Variants in CORO1C observed in about 807,000 individuals in gnomAD.
The protein encoded by CORO1C is coronin 1C.
Under a neutral mutation model 51.2 loss-of-function variants are expected in CORO1C, and 14 were observed. That is an observed-to-expected ratio of 0.27 (90% CI 0.18 to 0.43). The LOEUF (loss-of-function observed/expected upper bound fraction) is 0.43. Among genes scored for constraint, CORO1C ranks in the 20% least tolerant of loss-of-function variants. CORO1C has a pLI of 1.00. For missense variants in CORO1C, 417 were observed against 607.8 expected, an observed-to-expected ratio of 0.69 and a Z score of 3.30; for synonymous variants, 181 against 210.5, an observed-to-expected ratio of 0.86 and a Z score of 1.21.
intron 3 of CORO1C, among the ~76,000 whole-genome samples, chr12:108,666,397 G>A (rs1045734664): frequency 1.3e-5 from 2 of 152,184 alleles, no homozygotes; most frequent in African/African-American, 4.8e-5. Context: ...AGAGGGGGTG[G>A]TGTTCTCTAC....
At chr12:108,712,611 A>G (rs114563669) in intron 1 of CORO1C, among the ~76,000 whole-genome samples, 1,521 of 151,458 alleles carry the variant, frequency 0.01, 23 homozygotes, top group African/African-American at 0.034. Flanking sequence ...GAAATGTAAT[A>G]ATATATAAGC....
chr12:108,678,246 G>C, intron 3 of CORO1C, 26 bp downstream of exon 3: 1 of 1,600,716 alleles, frequency 6.2e-7, no homozygotes, highest in Non-Finnish European at 8.5e-7. Context: ...ACTGGCCTGT[G>C]TGCACACAAC....
chr12:108,701,017 T>A, intron 2 of CORO1C, 107 bp downstream of exon 2: 5 of 1,229,222 alleles, frequency 4.1e-6, no homozygotes. Flanking sequence ...TACATCAGAG[T>A]CTAATGGTTT....
intron 3 of CORO1C, among the ~76,000 whole-genome samples, chr12:108,665,433 T>C (rs1470961047): frequency 1.3e-5 from 2 of 152,206 alleles, no homozygotes; most frequent in South Asian, 2.1e-4. Flanking sequence ...ATAAATTGTA[T>C]TGTAACCCAT....
In CORO1C at chr12:108,653,829, G is replaced by A. The variant is rs1196665783; in HGVS notation, c.855+477C>T. ...GCCCTCAAAAGTTTGCATCCACAAA[G>A]CACCATTCTCCTTCCAAGTCCATGG... is the stretch of plus-strand genomic sequence containing the variant. On this transcript the variant is annotated intron_variant, in intron 7 of 10. Transcript: ENST00000261401. 2.0e-5 allele frequency among the ~76,000 whole-genome samples: 3 copies of A among 152,122 alleles called. No individual in the cohort carries two copies. In the East Asian group the frequency reaches 5.8e-4, roughly 29 times the overall value.
intron 2 of CORO1C, among the ~76,000 whole-genome samples, chr12:108,688,956 G>C (rs1396266717): frequency 3.3e-5 from 5 of 152,024 alleles, no homozygotes; most frequent in African/African-American, 1.2e-4. Context: ...GCTTGAGCCT[G>C]GGAGACGGAG....
chr12:108,696,210 G>A (rs2034676664), intron 2 of CORO1C: 1 of 152,134 alleles, frequency 6.6e-6, no homozygotes, highest in Non-Finnish European at 1.5e-5. Flanking sequence ...ATTCACCAAA[G>A]TTGCTTCACA....
At chr12:108,689,652 C>G (rs1208537678) in intron 2 of CORO1C, among the ~76,000 whole-genome samples, 1 of 152,240 alleles carries the variant, frequency 6.6e-6, no homozygotes, top group Admixed American at 6.5e-5. Context: ...AGAGCCCCCA[C>G]CCCATCCTGG....
chr12:108,654,649 C>T (rs2032851378), intron 6 of CORO1C, among the ~76,000 whole-genome samples: 1 of 151,814 alleles, frequency 6.6e-6, no homozygotes, highest in Non-Finnish European at 1.5e-5. Flanking sequence ...CATACATCAG[C>T]GTGATTTCAT....
At chr12:108,710,976 A>C (rs1434602476) in intron 1 of CORO1C, among the ~76,000 whole-genome samples, 1 of 152,182 alleles carries the variant, frequency 6.6e-6, no homozygotes, top group Non-Finnish European at 1.5e-5. Context: ...TCTTGCAATA[A>C]AACCTTCATC....
chr12:108,715,614 G>C (rs759088338), intron 1 of CORO1C, among the ~76,000 whole-genome samples: 1 of 149,476 alleles, frequency 6.7e-6, no homozygotes, highest in Non-Finnish European at 1.5e-5. Flanking sequence ...AAAGGCAGGC[G>C]CTACCTGACC....
At chr12:108,661,240 A>G (rs2033247607) in intron 4 of CORO1C, among the ~76,000 whole-genome samples, 1 of 152,202 alleles carries the variant, frequency 6.6e-6, no homozygotes, top group Non-Finnish European at 1.5e-5. Context: ...TTTTAGATAA[A>G]GGAAAAGATT....
chr12:108,711,679 CAAAAAAA>C (rs766919638), intron 1 of CORO1C, among the ~76,000 whole-genome samples: 1 of 60,534 alleles, frequency 1.7e-5, no homozygotes, highest in Non-Finnish European at 3.4e-5. Flanking sequence ...AACTCCGTCT[CAAAAAAA>C]AAAAAAAAAA....
chr12:108,645,719 C>T lies in CORO1C; in HGVS notation c.*1684G>A, dbSNP rs1360381886. On this transcript the variant is annotated 3_prime_UTR_variant, in exon 11 of 11. Coordinates refer to ENST00000261401, the MANE Select transcript of CORO1C (RefSeq NM_014325.4). ...TACTCCAAGTTCGGCTGTCACCACA[C>T]TCTGCCCTCACCCTGGCTCCCTGCA... 1.3e-5 allele frequency: 2 copies of T among 152,244 alleles called. No homozygotes were observed. Among genetic ancestry groups the T allele is most frequent in the African/African-American group, 4.8e-5 (2 of 41,444 alleles). 9.4% of individuals were successfully genotyped at this position (152,244 alleles called of 1,614,324 possible). A position where few individuals can be genotyped will look rare whatever the true frequency, so the allele number is the denominator to read the frequency against.
intron 1 of CORO1C, among the ~76,000 whole-genome samples, chr12:108,709,631 T>C (rs1388939646): frequency 2.6e-5 from 4 of 152,212 alleles, no homozygotes; most frequent in Non-Finnish European, 5.9e-5. Flanking sequence ...TTATCAGCTA[T>C]ATTGTCCCAA....
intron 2 of CORO1C, among the ~76,000 whole-genome samples, chr12:108,680,549 T>C (rs1018952530): frequency 2.0e-5 from 3 of 152,192 alleles, no homozygotes; most frequent in Non-Finnish European, 2.9e-5. Context: ...TGCCATCTTC[T>C]AGCTGTGAAG....
chr12:108,718,370 A>G (rs1477542612), intron 1 of CORO1C, among the ~76,000 whole-genome samples: 10 of 37,820 alleles, frequency 2.6e-4, no homozygotes, highest in Admixed American at 7.3e-4. Context: ...CTCCGTCTCG[A>G]AAAAAAAAAA....
At chr12:108,722,052 G>T (rs2035485669) in intron 1 of CORO1C, among the ~76,000 whole-genome samples, 1 of 152,132 alleles carries the variant, frequency 6.6e-6, no homozygotes, top group South Asian at 2.1e-4. Context: ...TCCTTACGTG[G>T]GGTCTGCCTG....
rs745337401 is a variant in CORO1C at position 108,658,926 on chromosome 12, C to T, written c.449-7G>A. On this transcript the variant is annotated splice_polypyrimidine_tract_variant and splice_region_variant and intron_variant, in intron 4 of 10. Coordinates refer to ENST00000261401, the MANE Select transcript of CORO1C (RefSeq NM_014325.4). This position sits in a 1 kb window ranked among gnomAD's most constrained non-coding sequence, Gnocchi z 4.9. ...ATAATGGCATTATCACAGCCTAAAA[C>T]AGGCAAAACCATCAGAGATTAGAAG... 3.1e-6 allele frequency: 5 copies of T among 1,599,880 alleles called. No individual in the cohort carries two copies. Among genetic ancestry groups the T allele is most frequent in the Non-Finnish European group, 3.4e-6 (4 of 1,167,850 alleles).
Sources: gnomAD v4.1 joint callset for allele counts (sites outside exome capture counted in the v4.1 genomes callset) on GRCh38, gnomAD v4.1.1 for gene constraint, Gnocchi (gnomAD v3.1) non-coding constraint, MANE v1.5 for transcripts, NCBI Gene and HGNC (gene_info 2026-07-23, HGNC 2026-07-21) for gene names.